The following PCDH11X variants were observed in gnomAD, a reference collection of about 807,000 sequenced individuals.
PCDH11X encodes the protein protocadherin 11 X-linked.
In PCDH11X, 18 loss-of-function variants were observed where a neutral mutation model predicts 53.3. The observed-to-expected ratio is 0.34, with a 90% confidence interval of 0.23 to 0.50. The LOEUF (loss-of-function observed/expected upper bound fraction) is 0.50. Ranked by LOEUF, PCDH11X falls within the 20% of genes least tolerant of loss-of-function variation. The pLI is 0.98. For missense variants in PCDH11X, 570 were observed against 1,032.4 expected (o/e 0.55, Z 6.14); for synonymous variants, 279 against 393.3 (o/e 0.71, Z 3.44).
intron 6 of PCDH11X, among the ~76,000 whole-genome samples, chrX:92,110,684 T>C (rs1168097412): frequency 2.7e-5 from 3 of 111,047 alleles, no homozygotes; most frequent in African/African-American, 9.8e-5. Context: ...TGCATGGCCA[T>C]GGAGAAGTTT....
intron 6 of PCDH11X, among the ~76,000 whole-genome samples, chrX:91,930,535 A>T (rs1942094596): frequency 9.4e-6 from 1 of 105,859 alleles, no homozygotes; most frequent in Non-Finnish European, 1.9e-5. Context: ...ACACATACAT[A>T]TACATATATA....
intron 6 of PCDH11X, among the ~76,000 whole-genome samples, chrX:91,986,580 G>A (rs1471908320): frequency 9.1e-6 from 1 of 110,463 alleles, no homozygotes; most frequent in Non-Finnish European, 1.9e-5. Context: ...TATTTCCTCT[G>A]GAGCCTTTAA....
rs34539864 is a variant in PCDH11X at position 92,003,510 on chromosome X, C to CT, written c.3033+124250dup. 9.4e-3 allele frequency among the ~76,000 whole-genome samples: 898 copies of CT among 95,554 alleles called. 12 individuals are homozygous for CT. Among genetic ancestry groups the CT allele is most frequent in the African/African-American group, 0.031 (799 of 25,837 alleles). 83.0% of individuals were successfully genotyped at this position (95,554 alleles called of 115,157 possible). On this transcript the variant is annotated intron_variant, in intron 6 of 10. Transcript: ENST00000682573. ...AGCAGTTTAGTCATGGGGTCCCAGG[C>CT]TTTTTTTTTTTTTCTTTTTTTTTGA... is the stretch of plus-strand genomic sequence containing the variant.
At chrX:91,824,945 C>T (rs1257318463) in intron 4 of PCDH11X, among the ~76,000 whole-genome samples, 1 of 108,581 alleles carries the variant, frequency 9.2e-6, no homozygotes, top group Non-Finnish European at 1.9e-5. Context: ...TGTGAGGTGT[C>T]AGTGTGCCCC....
At chrX:91,814,348 G>A (rs1190316733) in intron 4 of PCDH11X, among the ~76,000 whole-genome samples, 4 of 109,562 alleles carry the variant, frequency 3.7e-5, no homozygotes, top group Non-Finnish European at 7.6e-5. Context: ...TGTTATGAAG[G>A]GTTATAAAAT....
chrX:92,140,600 T>G (rs1211362449), intron 6 of PCDH11X, among the ~76,000 whole-genome samples: 1 of 111,937 alleles, frequency 8.9e-6, no homozygotes, highest in Non-Finnish European at 1.9e-5. Flanking sequence ...TTTCTTGTAT[T>G]AAAAACTCAC....
chrX:91,921,958 C>T (rs1322562510), intron 6 of PCDH11X, among the ~76,000 whole-genome samples: 2 of 111,021 alleles, frequency 1.8e-5, no homozygotes, highest in South Asian at 3.8e-4. Context: ...AGCCATTTTA[C>T]GACTCAGTGT....
intron 8 of PCDH11X, among the ~76,000 whole-genome samples, chrX:92,282,852 G>T (rs112267488): frequency 4.5e-5 from 5 of 111,145 alleles, no homozygotes; most frequent in Admixed American, 1.9e-4. Context: ...GCTATTTCCC[G>T]TAATGCTAAA....
chrX:92,464,915 C>T (rs1353741589), intron 9 of PCDH11X, among the ~76,000 whole-genome samples: 1 of 111,572 alleles, frequency 9.0e-6, no homozygotes, highest in Non-Finnish European at 1.9e-5. Flanking sequence ...TCTGCCATAT[C>T]CTGTGACCTG....
chrX:91,896,890 T>C (rs1940772748), intron 6 of PCDH11X, among the ~76,000 whole-genome samples: 1 of 49,629 alleles, frequency 2.0e-5, no homozygotes, highest in African/African-American at 9.9e-5. Flanking sequence ...ACCTATTACA[T>C]TTCTCCTCTG....
At chrX:92,530,350 A>G (rs1033767694) in intron 10 of PCDH11X, among the ~76,000 whole-genome samples, 2 of 107,754 alleles carry the variant, frequency 1.9e-5, no homozygotes, top group African/African-American at 6.7e-5. Flanking sequence ...GGTGGGGAAG[A>G]GCATACACCC....
chrX:92,285,528 C>T (rs972172845), intron 8 of PCDH11X, among the ~76,000 whole-genome samples: 9 of 111,116 alleles, frequency 8.1e-5, no homozygotes, highest in Non-Finnish European at 1.7e-4. Flanking sequence ...GCTGGGATTA[C>T]AGGTGTGAGC....
intron 5 of PCDH11X, among the ~76,000 whole-genome samples, chrX:91,861,056 C>G (rs1393303274): frequency 9.0e-6 from 1 of 111,540 alleles, no homozygotes; most frequent in Non-Finnish European, 1.9e-5. Context: ...GAAATGGTAT[C>G]AGCTCCTCTT....
chrX:92,148,363 G>T (rs1467925029), intron 6 of PCDH11X, among the ~76,000 whole-genome samples: 1 of 103,522 alleles, frequency 9.7e-6, no homozygotes, highest in African/African-American at 3.5e-5. Context: ...GAGTAGCTGG[G>T]ATTACAGGCA....
intron 10 of PCDH11X, among the ~76,000 whole-genome samples, chrX:92,570,708 C>T (rs1302834472): frequency 9.9e-6 from 1 of 101,220 alleles, no homozygotes; most frequent in Non-Finnish European, 2.0e-5. Flanking sequence ...TTTTTACCTT[C>T]CAACTCTCAA....
chrX:92,390,266 G>T (rs1252487407), intron 9 of PCDH11X, among the ~76,000 whole-genome samples: 1 of 109,206 alleles, frequency 9.2e-6, no homozygotes, highest in Non-Finnish European at 1.9e-5. Flanking sequence ...TTTTGTTTTG[G>T]GACAGTCAGA....
chrX:92,479,090 A>G, intron 10 of PCDH11X, among the ~76,000 whole-genome samples: 1 of 112,016 alleles, frequency 8.9e-6, no homozygotes, highest in Non-Finnish European at 1.9e-5. Flanking sequence ...TTCTTGTTGA[A>G]TTGAACCCTT....
At chrX:92,042,634 CTTTTTTT>C (rs3865918) in intron 6 of PCDH11X, among the ~76,000 whole-genome samples, 1 of 59,172 alleles carries the variant, frequency 1.7e-5, no homozygotes, top group South Asian at 1.2e-3. Context: ...AAAGTTGTTG[CTTTTTTT>C]TTTTTTTTTT....
chrX:92,583,823 A>T, intron 10 of PCDH11X, among the ~76,000 whole-genome samples: 1 of 83,517 alleles, frequency 1.2e-5, no homozygotes, highest in Non-Finnish European at 2.3e-5. Flanking sequence ...CTTTTTCTTT[A>T]TAAATTACTG....
Sources: allele counts gnomAD v4.1 joint callset (sites outside exome capture counted in the v4.1 genomes callset), GRCh38; gene constraint gnomAD v4.1.1; transcripts MANE v1.5; gene names NCBI Gene and HGNC (gene_info 2026-07-23, HGNC 2026-07-21).